The following CAST variants were observed in gnomAD, a reference collection of about 807,000 sequenced individuals.
CAST encodes calpastatin.
A neutral mutation model predicts 119.6 loss-of-function variants in CAST; 76 were observed. That is an observed-to-expected ratio of 0.64 (90% CI 0.53 to 0.77). CAST has a LOEUF of 0.77. Among genes scored for constraint, CAST ranks in the 30% least tolerant of loss-of-function variants. The probability of loss-of-function intolerance (pLI) is 0.00; values close to 1 mark genes in which losing one functional copy is unlikely to be tolerated. For synonymous variants in CAST, 319 were observed against 331.6 expected, an observed-to-expected ratio of 0.96 and a Z score of 0.41; for missense variants, 953 against 946.5, an observed-to-expected ratio of 1.01 and a Z score of -0.09.
chr5:96,747,887 A>C (rs939073427), intron 18 of CAST, among the ~76,000 whole-genome samples: 1 of 152,198 alleles, frequency 6.6e-6, no homozygotes. Flanking sequence ...GAGGAAATTG[A>C]GACACAGAGG....
the CAST span, among the ~76,000 whole-genome samples, chr5:96,358,539 C>G: frequency 2.0e-5 from 3 of 152,022 alleles, no homozygotes; most frequent in African/African-American, 7.2e-5. Flanking sequence ...TGTTTTTGTT[C>G]TCATTGGTTT....
chr5:96,636,997 G>T (rs1747895742), intron 1 of CAST, among the ~76,000 whole-genome samples: 1 of 152,152 alleles, frequency 6.6e-6, no homozygotes, highest in African/African-American at 2.4e-5. Flanking sequence ...ATAGATCACA[G>T]TCCCCCCTCT....
At chr5:96,104,951 A>G in the CAST span, among the ~76,000 whole-genome samples, 4 of 87,986 alleles carry the variant, frequency 4.5e-5, no homozygotes, top group East Asian at 1.1e-3. Context: ...GGTCCTTCAC[A>G]TCCCTTGTAA....
the CAST span, among the ~76,000 whole-genome samples, chr5:96,476,427 C>T: frequency 6.6e-6 from 1 of 152,154 alleles, no homozygotes; most frequent in East Asian, 1.9e-4. Context: ...CACCTCTTAT[C>T]TGCCCTCCCA....
At chr5:95,975,363 C>G in the CAST span, among the ~76,000 whole-genome samples, 1 of 152,050 alleles carries the variant, frequency 6.6e-6, no homozygotes, top group East Asian at 1.9e-4. Context: ...GTCCCTGGGC[C>G]CCAGCCCTCA....
the CAST span, among the ~76,000 whole-genome samples, chr5:96,002,088 T>G: frequency 6.6e-6 from 1 of 152,242 alleles, no homozygotes; most frequent in Non-Finnish European, 1.5e-5. Context: ...TACATTTTAT[T>G]CATATAACTT....
chr5:96,232,975 G>A, the CAST span, among the ~76,000 whole-genome samples: 1 of 152,022 alleles, frequency 6.6e-6, no homozygotes, highest in South Asian at 2.1e-4. Context: ...TGTTAACACA[G>A]ATACTTATTA....
the CAST span, chr5:96,429,185 G>T: frequency 9.1e-7 from 1 of 1,102,748 alleles, no homozygotes; most frequent in Non-Finnish European, 1.4e-6. Context: ...CTAGAGTATT[G>T]GTTTGAAGAC....
chr5:96,427,070 A>G, the CAST span, among the ~76,000 whole-genome samples: 2 of 152,208 alleles, frequency 1.3e-5, no homozygotes, highest in African/African-American at 2.4e-5. Flanking sequence ...AATAAGTACT[A>G]ATCTTTGAGG....
chr5:96,695,603 A>G (rs1753189552), intron 2 of CAST, among the ~76,000 whole-genome samples: 1 of 152,208 alleles, frequency 6.6e-6, no homozygotes, highest in Middle Eastern at 3.2e-3. Flanking sequence ...CAGTTCTCCA[A>G]AATCACTGAA....
upstream of CAST, among the ~76,000 whole-genome samples, chr5:96,522,861 C>T (rs192652105): frequency 1.4e-3 from 217 of 152,244 alleles, no homozygotes; most frequent in Middle Eastern, 0.024. Flanking sequence ...AGGAGCCTCC[C>T]GACATGGAAG....
chr5:96,577,151 G>A (rs964820211), intron 1 of CAST, among the ~76,000 whole-genome samples: 1 of 152,102 alleles, frequency 6.6e-6, no homozygotes, highest in African/African-American at 2.4e-5. Context: ...GTCCCAGTTT[G>A]TGGTTTTTCA....
At chr5:96,182,592 C>G in the CAST span, among the ~76,000 whole-genome samples, 1 of 152,016 alleles carries the variant, frequency 6.6e-6, no homozygotes, top group Non-Finnish European at 1.5e-5. Flanking sequence ...GTCAGACTTA[C>G]CATATAAATA....
chr5:96,036,864 A>C, the CAST span, among the ~76,000 whole-genome samples: 4,343 of 152,284 alleles, frequency 0.029, 105 homozygotes, highest in Admixed American at 0.075. Flanking sequence ...CAAATTCTAG[A>C]CAAAACAAAT....
the CAST span, among the ~76,000 whole-genome samples, chr5:96,509,628 G>A: frequency 2.0e-5 from 3 of 152,198 alleles, no homozygotes; most frequent in Admixed American, 6.5e-5. Context: ...TATGGGAACA[G>A]TCTGCATTTC....
At chr5:96,465,117 G>A in the CAST span, among the ~76,000 whole-genome samples, 1,840 of 151,622 alleles carry the variant, frequency 0.012, 33 homozygotes, top group Admixed American at 0.04. Flanking sequence ...GTATAAGTCT[G>A]GCATATCTTT....
At chr5:96,159,348 G>C in the CAST span, among the ~76,000 whole-genome samples, 1,520 of 152,262 alleles carry the variant, frequency 1.0e-2, 28 homozygotes, top group African/African-American at 0.036. Context: ...GGGACAGTAG[G>C]TGACTCTCCT....
chr5:96,534,011 A>C (rs1745738305), intron 1 of CAST, among the ~76,000 whole-genome samples: 1 of 152,238 alleles, frequency 6.6e-6, no homozygotes, highest in Non-Finnish European at 1.5e-5. Context: ...TTGACAGTGT[A>C]TATTGTCAAT....
At chr5:96,716,888 A>G (rs1054019790) in intron 3 of CAST, among the ~76,000 whole-genome samples, 3 of 152,194 alleles carry the variant, frequency 2.0e-5, no homozygotes, top group Non-Finnish European at 1.5e-5. Context: ...TTGCCATGAT[A>G]AGAAACTAGA....
Sources: gnomAD v4.1 joint callset for allele counts (sites outside exome capture counted in the v4.1 genomes callset) on GRCh38, gnomAD v4.1.1 for gene constraint, MANE v1.5 for transcripts, NCBI Gene and HGNC (gene_info 2026-07-23, HGNC 2026-07-21) for gene names.